SLC26A6: variants seen among roughly 807,000 people sequenced by gnomAD.
SLC26A6 encodes the protein anion exchange transporter.
SLC26A6 carries 67 observed loss-of-function variants against 87.1 expected under a neutral mutation model. That is an observed-to-expected ratio of 0.77 (90% CI 0.63 to 0.94). SLC26A6 has a LOEUF of 0.94. Ranked by LOEUF, SLC26A6 falls within the 40% of genes least tolerant of loss-of-function variation. SLC26A6 has a pLI of 0.00. For missense variants in SLC26A6, 902 were observed against 973.0 expected, an observed-to-expected ratio of 0.93 and a Z score of 0.97; for synonymous variants, 414 against 405.9, an observed-to-expected ratio of 1.02 and a Z score of -0.24.
chr3:48,633,203 C>A (rs962308546), intron 3 of SLC26A6, 48 bp downstream of exon 3: 2 of 1,597,998 alleles, frequency 1.3e-6, no homozygotes, highest in East Asian at 4.5e-5. Flanking sequence ...CAGTTTTGGG[C>A]ATCACAGACC....
chr3:48,627,796 AT>A, intron 17 of SLC26A6, 149 bp downstream of exon 17: 1 of 638,570 alleles, frequency 1.6e-6, no homozygotes, highest in Non-Finnish European at 2.6e-6. Flanking sequence ...TCCCTGAAGA[AT>A]ATCTGACCCA....
chr3:48,633,611 C>T lies in SLC26A6; in HGVS notation c.48G>A (p.Leu16=). 1 of 1,613,550 alleles carries T rather than the reference C, an allele frequency of 6.2e-7. No homozygotes were observed. Among genetic ancestry groups the T allele is most frequent in the Non-Finnish European group, 8.5e-7 (1 of 1,179,982 alleles). The change falls in exon 2 of 21, where the codon CTG becomes CTA. Residue 16 remains leucine (L), a synonymous_variant. Coordinates refer to ENST00000395550, the MANE Select transcript of SLC26A6 (RefSeq NM_022911.3). ...ASGPRDTQAL[L]SATQAMDLRR... ...GCAGGTCCATTGCTTGTGTTGCAGA[C>T]AGCAGTGCCTGTGTGTCCCTCGGTC...
intron 17 of SLC26A6, chr3:48,627,622 G>A (rs770174049): frequency 5.7e-5 from 13 of 228,734 alleles, no homozygotes; most frequent in South Asian, 9.7e-5. Flanking sequence ...CTACAGGCGC[G>A]TACCACCACG....
At chr3:48,626,711 C>T (rs1470467844) in intron 18 of SLC26A6, 26 bp from the exon 19 acceptor site, 2 of 1,613,846 alleles carry the variant, frequency 1.2e-6, no homozygotes, top group South Asian at 1.1e-5. Flanking sequence ...GGGCCAGCCT[C>T]AGAGGGAGGC....
intron 17 of SLC26A6, 133 bp from the exon 18 acceptor site, chr3:48,627,188 G>A (rs1347354799): frequency 9.4e-7 from 1 of 1,067,398 alleles, no homozygotes; most frequent in Non-Finnish European, 1.4e-6. Context: ...AAACATGCGG[G>A]AGTCACATAG....
Position 48,633,617 on chromosome 3 carries a change from T to A in SLC26A6, c.42A>T (p.Ala14=), listed in dbSNP as rs1015065829. Residue 14 remains alanine (A), a synonymous_variant, in exon 2 of 21, where the codon GCA becomes GCT. Coordinates refer to ENST00000395550, the MANE Select transcript of SLC26A6 (RefSeq NM_022911.3). ...ADASGPRDTQ[A]LLSATQAMDL... ...CCATTGCTTGTGTTGCAGACAGCAG[T>A]GCCTGTGTGTCCCTCGGTCTGGGGT... is the stretch of plus-strand genomic sequence containing the variant. 1.2e-6 allele frequency: 2 copies of A among 1,613,412 alleles called. No individual in the cohort carries two copies. Among genetic ancestry groups the A allele is most frequent in the African/African-American group, 2.7e-5 (2 of 74,912 alleles).
At position 48,633,512 on chromosome 3, in the gene SLC26A6, T is replaced by G. The variant is rs1313456890; in HGVS notation, c.147A>C (p.Ser49=). 8 of 1,613,292 alleles carry G rather than the reference T, an allele frequency of 5.0e-6. No homozygotes were observed. Among genetic ancestry groups the G allele is most frequent in the Non-Finnish European group, 6.8e-6 (8 of 1,179,998 alleles). ...EHLEELGRWG[S]APRTHQWRTW... ...TCCGCCACTGGTGGGTCCTAGGTGC[T>G]GAGCCCCAGCGCCCCAGCTCCTCCA... The change falls in exon 2 of 21, where the codon TCA becomes TCC. Residue 49 remains serine (S), a synonymous_variant. Coordinates refer to ENST00000395550, the MANE Select transcript of SLC26A6 (RefSeq NM_022911.3).
intron 14 of SLC26A6, among the ~76,000 whole-genome samples, chr3:48,629,236 C>T (rs1158516141): frequency 6.6e-6 from 1 of 152,182 alleles, no homozygotes; most frequent in African/African-American, 2.4e-5. Context: ...AGCCCCCCAC[C>T]TATGTTCCTA....
rs748924734 is a variant in SLC26A6 at position 48,633,604 on chromosome 3, T to C, written c.55A>G (p.Thr19Ala). 2 of 1,613,548 alleles carry C rather than the reference T, an allele frequency of 1.2e-6. No individual in the cohort carries two copies. The highest frequency in any genetic ancestry group is 1.7e-6 in the Non-Finnish European group (2 of 1,179,986). ...PRDTQALLSA[T>A]QAMDLRRRDY... ...CGCCTCCGCAGGTCCATTGCTTGTG[T>C]TGCAGACAGCAGTGCCTGTGTGTCC... is the stretch of plus-strand genomic sequence containing the variant. Residue 19 changes from threonine to alanine, a missense_variant, in exon 2 of 21, where the codon ACA becomes GCA. This residue lies in a region of SLC26A6 where 800 missense variants were observed against 856.8 expected (regional missense o/e 0.93). Transcript: ENST00000395550.
chr3:48,634,716 GGGACA>G (rs1324807130), intron 1 of SLC26A6: 57 of 985,258 alleles, frequency 5.8e-5, no homozygotes, highest in Non-Finnish European at 1.3e-5. Flanking sequence ...TCCCATTTGA[GGGACA>G]GGAACTCACC....
intron 3 of SLC26A6, 50 bp from the exon 4 acceptor site, chr3:48,633,134 G>A (rs780564549): frequency 5.0e-6 from 8 of 1,587,370 alleles, no homozygotes; most frequent in Admixed American, 3.6e-5. Context: ...ATCTTGAAAC[G>A]ATAAGGGAAT....
chr3:48,634,992 A>G (rs1276615087), intron 1 of SLC26A6, among the ~76,000 whole-genome samples: 2 of 152,208 alleles, frequency 1.3e-5, no homozygotes, highest in Non-Finnish European at 2.9e-5. Flanking sequence ...TCACTCCGGG[A>G]TCAGTGGAGC....
intron 1 of SLC26A6, among the ~76,000 whole-genome samples, chr3:48,634,522 G>T (rs1193086878): frequency 1.3e-5 from 2 of 152,106 alleles, no homozygotes; most frequent in Non-Finnish European, 2.9e-5. Flanking sequence ...TCACCTGGGG[G>T]GTACTCTCCC....
chr3:48,627,113 C>T lies in SLC26A6; in HGVS notation c.1894-58G>A, dbSNP rs762441754. 5.6e-5 allele frequency: 88 copies of T among 1,569,366 alleles called. No homozygotes were observed. The Middle Eastern group carries it at 8.5e-4, about 15-fold the overall frequency. On this transcript the variant is annotated intron_variant, in intron 17 of 20. Coordinates refer to ENST00000395550, the MANE Select transcript of SLC26A6 (RefSeq NM_022911.3). ...ATGAGAGAGTGAAGGCAGGACTGGC[C>T]GCACACAGACACGCGAGAACACGCA...
rs775865319 is a variant in SLC26A6 at position 48,633,022 on chromosome 3, G to A, written c.385C>T (p.Pro129Ser). 5 of 1,613,744 alleles carry A rather than the reference G, an allele frequency of 3.1e-6. No individual in the cohort carries two copies. The highest frequency in any genetic ancestry group is 4.2e-6 in the Non-Finnish European group (5 of 1,179,960). Residue 129 changes from proline (P) to serine (S), a missense_variant, in exon 4 of 21, where the codon CCT becomes TCT. By Grantham distance (74) the Pro-to-Ser change is moderately conservative. Around this residue, in one of 3 missense-constraint regions of SLC26A6, gnomAD observed 800 missense variants for 856.8 expected, o/e 0.93. Coordinates refer to ENST00000395550, the MANE Select transcript of SLC26A6 (RefSeq NM_022911.3). ...CCAAACAGGAAGTAGATGAAGACAG[G>A]GTAGAAGGAGCTATAGAGGCCAAAC... ...PVFGLYSSFY[P>S]VFIYFLFGTS...
intron 1 of SLC26A6, chr3:48,633,870 G>T: frequency 7.1e-7 from 1 of 1,408,924 alleles, no homozygotes; most frequent in Non-Finnish European, 9.2e-7. Flanking sequence ...CCCCAAGTAG[G>T]GACTGCAGGA....
Position 48,633,010 on chromosome 3 carries a change from AGAT to A in SLC26A6, c.394_396del (p.Ile132del), listed in dbSNP as rs1218469102. On this transcript the variant is annotated inframe_deletion, in exon 4 of 21. Coordinates refer to ENST00000395550, the MANE Select transcript of SLC26A6 (RefSeq NM_022911.3). The stretch of plus-strand genomic sequence containing the variant: ...TGCCGGGAAGTGCCAAACAGGAAGT[AGAT>A]GAAGACAGGGTAGAAGGAGCTATAG... 1 of 1,613,690 alleles carries A rather than the reference AGAT, an allele frequency of 6.2e-7. No homozygotes were observed. The highest frequency in any genetic ancestry group is 8.5e-7 in the Non-Finnish European group (1 of 1,179,948).
Position 48,631,724 on chromosome 3 carries a change from C to G in SLC26A6, c.828G>C (p.Val276=). 6.2e-7 allele frequency: 1 copy of G among 1,613,312 alleles called. No homozygotes were observed. The highest frequency in any genetic ancestry group is 1.7e-5 in the Admixed American group (1 of 60,028). ...CATTCAACAGCTTCACCACCACGAG[C>G]ACCACCCCAGCCACAGCTGCAGTGA... ...TVVTAAVAGV[V]LVVVKLLNDK... Residue 276 remains valine (V), a synonymous_variant, in exon 7 of 21, where the codon GTG becomes GTC. Coordinates refer to ENST00000395550, the MANE Select transcript of SLC26A6 (RefSeq NM_022911.3).
Position 48,633,557 on chromosome 3 carries a change from C to T in SLC26A6, c.102G>A (p.Pro34=), listed in dbSNP as rs1024877400. The T allele has an allele frequency of 4.3e-6, 7 of 1,613,430 alleles. No individual in the cohort carries two copies. Among genetic ancestry groups the T allele is most frequent in the East Asian group, 2.2e-5 (1 of 44,902 alleles). ...LRRRDYHMER[P]LLNQEHLEEL... is the part of the protein sequence containing the mutation. ...CCTCCAAATGCTCCTGGTTCAGCAG[C>T]GGCCGTTCCATGTGGTAGTCTCGCC... The change falls in exon 2 of 21, where the codon CCG becomes CCA. Residue 34 remains proline (P), a synonymous_variant. Transcript: ENST00000395550.
Sources: gnomAD v4.1 joint callset for allele counts (sites outside exome capture counted in the v4.1 genomes callset) on GRCh38, gnomAD v4.1.1 for gene constraint, gnomAD v4.1.1 regional missense constraint, MANE v1.5 for transcripts, NCBI Gene and HGNC (gene_info 2026-07-23, HGNC 2026-07-21) for gene names.